C1orf162: variants seen among roughly 807,000 people sequenced by gnomAD.
C1orf162 encodes the protein transmembrane protein C1orf162.
Under a neutral mutation model 11.4 loss-of-function variants are expected in C1orf162, and 10 were observed. That is an observed-to-expected ratio of 0.88 (90% CI 0.54 to 1.48). The LOEUF (loss-of-function observed/expected upper bound fraction) is 1.48, where lower values mean the gene tolerates loss of function less well. C1orf162 is among the 40% of genes most tolerant of loss of function. The pLI is 0.00. For missense variants in C1orf162, 140 were observed against 149.5 expected (o/e 0.94, Z 0.33); for synonymous variants, 53 against 55.0 (o/e 0.96, Z 0.16).
chr1:111,477,484 A>G, intron 4 of C1orf162, 56 bp downstream of exon 4: 1 of 1,545,550 alleles, frequency 6.5e-7, no homozygotes, highest in Admixed American at 1.7e-5. Flanking sequence ...TGATACTAGA[A>G]TTAGCTATGA....
At chr1:111,477,546 G>A (rs1208963595) in intron 4 of C1orf162, 118 bp downstream of exon 4, 7 of 1,484,138 alleles carry the variant, frequency 4.7e-6, no homozygotes, top group Middle Eastern at 1.8e-4. Context: ...AACCTGCTTA[G>A]CCCACCCTGT....
At position 111,477,737 on chromosome 1, in the gene C1orf162, C is replaced by T; in HGVS notation, c.214C>T (p.Pro72Ser). 1 of 1,613,944 alleles carries T rather than the reference C, an allele frequency of 6.2e-7. No homozygotes were observed. The highest frequency in any genetic ancestry group is 8.5e-7 in the Non-Finnish European group (1 of 1,179,962). ...TGGCACCATGGCAGATCACTCCAAGCCCCAGGCCCCAGATCCTCACTCAGA... is the reference window on the plus strand; with the variant it reads ...TGGCACCATGGCAGATCACTCCAAGTCCCAGGCCCCAGATCCTCACTCAGA... ...IKSYRKYHSK[P>S]QAPDPHSDPP... The change falls in exon 5 of 6, where the codon CCC becomes TCC. Residue 72 changes from proline to serine, a missense_variant. Transcript: ENST00000369718.
At chr1:111,476,192 C>A in intron 2 of C1orf162, 127 bp downstream of exon 2, 1 of 939,436 alleles carries the variant, frequency 1.1e-6, no homozygotes, top group Non-Finnish European at 1.7e-6. Flanking sequence ...TCCAATTTTA[C>A]CAGGACACAG....
intron 4 of C1orf162, 118 bp from the exon 5 acceptor site, chr1:111,477,608 C>A (rs755378657): frequency 6.4e-7 from 1 of 1,562,922 alleles, no homozygotes; most frequent in Non-Finnish European, 8.8e-7. Context: ...CTGCCCCCCA[C>A]CCACCTGCCA....
chr1:111,476,776 T>C (rs754452504), intron 2 of C1orf162, 22 bp from the exon 3 acceptor site: 1 of 1,611,096 alleles, frequency 6.2e-7, no homozygotes, highest in Non-Finnish European at 8.5e-7. Flanking sequence ...GATACACTAA[T>C]TCCTTTTGTG....
chr1:111,476,871 A>C lies in C1orf162; in HGVS notation c.107+4A>C, dbSNP rs1654008791. 1 of 1,612,832 alleles carries C rather than the reference A, an allele frequency of 6.2e-7. No homozygotes were observed. The highest frequency in any genetic ancestry group is 2.2e-5 in the East Asian group (1 of 44,882). ...CCTGTCTCTCTAACCACCACAAGTA[A>C]ATGAGCATTCTCCTATCTGTTTCAT... On this transcript the variant is annotated splice_donor_region_variant and intron_variant, in intron 3 of 5. Coordinates refer to ENST00000369718, the MANE Select transcript of C1orf162 (RefSeq NM_001300834.2).
chr1:111,476,812 C>G lies in C1orf162; in HGVS notation c.52C>G (p.Leu18Val). Residue 18 changes from leucine (L) to valine (V), a missense_variant, in exon 3 of 6, where the codon CTC becomes GTC. By Grantham distance (32) the Leu-to-Val change is conservative. Transcript: ENST00000369718. The stretch of plus-strand genomic sequence containing the variant: ...TTTTCTTGTAGAAAGACAAGGCACT[C>G]TCTCCACAGCAGCCCCAACAACTAG... ...CKPDTERQGT[L>V]STAAPTTSPA... 7 of 1,614,024 alleles carry G rather than the reference C, an allele frequency of 4.3e-6. No individual in the cohort carries two copies. The highest frequency in any genetic ancestry group is 5.9e-6 in the Non-Finnish European group (7 of 1,179,906).
In C1orf162 at chr1:111,477,866, A is replaced by G. The variant is rs1412541422; in HGVS notation, c.252+91A>G. On this transcript the variant is annotated intron_variant, in intron 5 of 5. Transcript: ENST00000369718. ...CTTCATTATCTGCTAGAATGGTGGT[A>G]TTGATTTCCAGACACTGGGCAAGTG... 10 of 1,595,956 alleles carry G rather than the reference A, an allele frequency of 6.3e-6. 1 individual carries two copies. Among genetic ancestry groups the G allele is most frequent in the Admixed American group, 3.4e-5 (2 of 59,570 alleles).
At chr1:111,474,550 T>C (rs916860696) in intron 1 of C1orf162, 3 of 152,190 alleles carry the variant, frequency 2.0e-5, no homozygotes, top group Non-Finnish European at 2.9e-5. Context: ...CCAGCATATA[T>C]TTCAATATTT....
chr1:111,477,712 T>C lies in C1orf162; in HGVS notation c.203-14T>C, dbSNP rs779937765. ...TGCTGAGATGGGTCCCTCTTCTTTC[T>C]GGCACCATGGCAGATCACTCCAAGC... On this transcript the variant is annotated splice_polypyrimidine_tract_variant and intron_variant, in intron 4 of 5. Coordinates refer to ENST00000369718, the MANE Select transcript of C1orf162 (RefSeq NM_001300834.2). 1 of 1,613,692 alleles carries C rather than the reference T, an allele frequency of 6.2e-7. No homozygotes were observed. Among genetic ancestry groups the C allele is most frequent in the South Asian group, 1.1e-5 (1 of 91,038 alleles).
chr1:111,477,303 G>A (rs978622977), intron 3 of C1orf162, 31 bp from the exon 4 acceptor site: 19 of 1,581,038 alleles, frequency 1.2e-5, no homozygotes, highest in Non-Finnish European at 1.7e-5. Flanking sequence ...AAGCCCAACA[G>A]TTCATCCCCT....
Position 111,477,987 on chromosome 1 carries a change from C to T in C1orf162, c.257C>T (p.Ser86Leu), listed in dbSNP as rs746525570. Residue 86 changes from serine to leucine, a missense_variant, in exon 6 of 6, where the codon TCA becomes TTA. Coordinates refer to ENST00000369718, the MANE Select transcript of C1orf162 (RefSeq NM_001300834.2). ...CTCCTTTTTCTCCCTCTGCAGCTTT[C>T]ATCCATCCCAGGGGAATCACTTACC... ...DPHSDPPAKL[S>L]SIPGESLTYA... 6.2e-7 allele frequency: 1 copy of T among 1,614,194 alleles called. No homozygotes were observed. The highest frequency in any genetic ancestry group is 8.5e-7 in the Non-Finnish European group (1 of 1,180,024).
chr1:111,477,149 C>G (rs561686332), intron 3 of C1orf162, 185 bp from the exon 4 acceptor site: 20 of 648,222 alleles, frequency 3.1e-5, no homozygotes, highest in Middle Eastern at 8.4e-4. Flanking sequence ...GAGGCCACAG[C>G]TTCCTCTGAG....
chr1:111,474,294 A>G (rs1653924408), intron 1 of C1orf162, among the ~76,000 whole-genome samples: 1 of 152,206 alleles, frequency 6.6e-6, no homozygotes, highest in Non-Finnish European at 1.5e-5. Context: ...AAAGGGAAAT[A>G]TATTTCCTGC....
chr1:111,478,044 A>C lies in C1orf162; in HGVS notation c.314A>C (p.Glu105Ala). ...YASTTFKLSE[E>A]KSNHLAENHS... is the part of the protein sequence containing the mutation. ...AGCACAACTTTCAAACTCTCAGAAG[A>C]AAAGAGCAATCACTTGGCTGAGAAC... The change falls in exon 6 of 6, where the codon GAA becomes GCA. Residue 105 changes from glutamate (E) to alanine (A), a missense_variant. Physicochemically the swap from Glu to Ala is moderately radical, Grantham distance 107 (BLOSUM62 -1). Coordinates refer to ENST00000369718, the MANE Select transcript of C1orf162 (RefSeq NM_001300834.2). The C allele has an allele frequency of 6.2e-7, 1 of 1,614,128 alleles. No homozygotes were observed. Among genetic ancestry groups the C allele is most frequent in the Non-Finnish European group, 8.5e-7 (1 of 1,179,966 alleles).
intron 5 of C1orf162, 28 bp from the exon 6 acceptor site, chr1:111,477,955 C>G (rs1654055313): frequency 6.2e-7 from 1 of 1,614,064 alleles, no homozygotes; most frequent in Non-Finnish European, 8.5e-7. Context: ...ACTGGACTCA[C>G]TCATTCCTCC....
At chr1:111,477,080 T>C (rs1442747452) in intron 3 of C1orf162, 1 of 647,866 alleles carries the variant, frequency 1.5e-6, no homozygotes, top group Non-Finnish European at 2.7e-6. Flanking sequence ...AGCTTATAGG[T>C]AAAATTTGCT....
intron 1 of C1orf162, among the ~76,000 whole-genome samples, chr1:111,474,364 C>G (rs1231141231): frequency 1.3e-5 from 2 of 152,070 alleles, no homozygotes; most frequent in African/African-American, 4.8e-5. Flanking sequence ...ATGATTTTGT[C>G]CATTTATGTG....
chr1:111,476,861 A>C lies in C1orf162; in HGVS notation c.101A>C (p.His34Pro), dbSNP rs774474478. The stretch of plus-strand genomic sequence containing the variant: ...AGCCCTGCACCCTGTCTCTCTAACC[A>C]CCACAAGTAAATGAGCATTCTCCTA... ...TTSPAPCLSNHHNKKHLILAF... is the reference protein window; with the variant it reads ...TTSPAPCLSNPHNKKHLILAF... Residue 34 changes from histidine to proline, a missense_variant, in exon 3 of 6, where the codon CAC becomes CCC. Coordinates refer to ENST00000369718, the MANE Select transcript of C1orf162 (RefSeq NM_001300834.2). The C allele has an allele frequency of 6.2e-7, 1 of 1,613,416 alleles. No homozygotes were observed. The highest frequency in any genetic ancestry group is 8.5e-7 in the Non-Finnish European group (1 of 1,179,500).
Sources: allele counts gnomAD v4.1 joint callset (sites outside exome capture counted in the v4.1 genomes callset), GRCh38; gene constraint gnomAD v4.1.1; transcripts MANE v1.5; gene names NCBI Gene and HGNC (gene_info 2026-07-23, HGNC 2026-07-21).